SAMD5: variants seen among roughly 807,000 people sequenced by gnomAD.
SAMD5 encodes the protein sterile alpha motif domain-containing protein 5.
Under a neutral mutation model 11.3 loss-of-function variants are expected in SAMD5, and 13 were observed. The ratio of observed to expected loss-of-function variants is 1.15; its 90% CI spans 0.75 to 1.83. SAMD5 has a LOEUF of 1.83. SAMD5 is among the 40% of genes most tolerant of loss of function. The pLI is 0.00. For synonymous variants in SAMD5, 129 were observed against 111.3 expected (o/e 1.16, Z -1.00); for missense variants, 255 against 239.1 (o/e 1.07, Z -0.44).
chr6:147,730,641 A>C lies in SAMD5; in HGVS notation c.163-6676A>C, dbSNP rs148770312. Among the ~76,000 whole-genome samples the C allele has an allele frequency of 5.3e-5, 8 of 152,272 alleles. No individual in the cohort carries two copies. In the East Asian group the frequency reaches 1.5e-3, roughly 29 times the overall value. ...GGGCATGTTGATGATATTTAAAGCC[A>C]TGAGATGAGATTACCTAGGATAAGC... On this transcript the variant is annotated intron_variant, in intron 1 of 1. Coordinates refer to the SAMD5 transcript ENST00000566741.
At chr6:147,552,520 C>A (rs1479504208) in intron 1 of SAMD5, among the ~76,000 whole-genome samples, 2 of 152,172 alleles carry the variant, frequency 1.3e-5, no homozygotes, top group Non-Finnish European at 2.9e-5. Context: ...ACTCTTGGAA[C>A]CTATTTGGGC....
chr6:147,624,059 G>A (rs1336800729), intron 1 of SAMD5, among the ~76,000 whole-genome samples: 1 of 152,054 alleles, frequency 6.6e-6, no homozygotes, highest in Non-Finnish European at 1.5e-5. Context: ...TAGTAGAAAC[G>A]GGGTTTTGCC....
chr6:147,705,103 C>T (rs1241297192), intron 1 of SAMD5, among the ~76,000 whole-genome samples: 2 of 152,180 alleles, frequency 1.3e-5, no homozygotes, highest in African/African-American at 4.8e-5. Context: ...CCTTGTAAGA[C>T]AGTAAGAAAA....
In SAMD5 at chr6:147,656,958, T is replaced by C. The variant is rs149942544; in HGVS notation, c.163-80359T>C. Among the ~76,000 whole-genome samples, 1,209 of 151,680 alleles carry C rather than the reference T, an allele frequency of 8.0e-3. 62 individuals carry two copies. The highest frequency in any genetic ancestry group is 0.069 in the Admixed American group (1,057 of 15,212). On this transcript the variant is annotated intron_variant, in intron 1 of 1. Coordinates refer to the SAMD5 transcript ENST00000566741. The stretch of plus-strand genomic sequence containing the variant: ...TATCCATAAGGTATTCATTGTTCAT[T>C]GAAGCATTTGTTGTAATTGCAAAAT...
intron 1 of SAMD5, among the ~76,000 whole-genome samples, chr6:147,638,693 A>C (rs548024207): frequency 9.9e-5 from 15 of 152,254 alleles, no homozygotes; most frequent in African/African-American, 3.6e-4. Flanking sequence ...GGAGACCTCA[A>C]TCCTTGATGT....
the SAMD5 span, among the ~76,000 whole-genome samples, chr6:147,888,979 G>T: frequency 0.033 from 5,082 of 151,764 alleles, 119 homozygotes; most frequent in Middle Eastern, 0.058. Flanking sequence ...TATTTCTTAT[G>T]CTTCTAATTT....
chr6:147,824,313 C>T, the SAMD5 span, among the ~76,000 whole-genome samples: 1 of 152,138 alleles, frequency 6.6e-6, no homozygotes, highest in Non-Finnish European at 1.5e-5. Context: ...AAATTTTTAG[C>T]ATCTTCGGGG....
the SAMD5 span, among the ~76,000 whole-genome samples, chr6:147,772,556 T>C: frequency 1.5e-4 from 23 of 152,084 alleles, no homozygotes; most frequent in Non-Finnish European, 3.1e-4. Flanking sequence ...AAGTCCAAGA[T>C]CAAGGTGTTA....
intron 1 of SAMD5, among the ~76,000 whole-genome samples, chr6:147,613,112 C>A (rs760072596): frequency 6.6e-6 from 1 of 152,148 alleles, no homozygotes; most frequent in Non-Finnish European, 1.5e-5. Flanking sequence ...GATCACACCA[C>A]TGCACTCTAG....
chr6:147,567,860 A>C lies in SAMD5; in HGVS notation c.*3404A>C. On this transcript the variant is annotated 3_prime_UTR_variant, in exon 2 of 2. Transcript: ENST00000367474. ...GTAAATGTTTATTGATTGAATGAAA[A>C]GAATTTGATTTAAGGAAACAATAAC... 1.0e-6 allele frequency: 1 copy of C among 985,444 alleles called. No individual in the cohort carries two copies. The highest frequency in any genetic ancestry group is 1.2e-6 in the Non-Finnish European group (1 of 829,934). 61.0% of individuals were successfully genotyped at this position (985,444 alleles called of 1,614,324 possible).
chr6:147,536,012 C>G (rs1245140691), intron 1 of SAMD5, among the ~76,000 whole-genome samples: 1 of 150,906 alleles, frequency 6.6e-6, no homozygotes, highest in South Asian at 2.1e-4. Context: ...GAGACGGACT[C>G]TCGCTCTGTT....
At chr6:147,727,699 G>T (rs1409828888) in intron 1 of SAMD5, among the ~76,000 whole-genome samples, 1 of 151,300 alleles carries the variant, frequency 6.6e-6, no homozygotes, top group Middle Eastern at 3.2e-3. Flanking sequence ...GTCTGCTGAA[G>T]ACCCACCAGA....
chr6:147,542,177 G>A (rs921540068), intron 1 of SAMD5, among the ~76,000 whole-genome samples: 2 of 152,164 alleles, frequency 1.3e-5, no homozygotes, highest in East Asian at 1.9e-4. Context: ...ATATTGGGTC[G>A]GCAGCACCCT....
At chr6:147,927,488 G>A in the SAMD5 span, among the ~76,000 whole-genome samples, 2 of 152,222 alleles carry the variant, frequency 1.3e-5, no homozygotes, top group Admixed American at 6.5e-5. Flanking sequence ...GTGTAGAAAC[G>A]TTCACGATTT....
chr6:147,643,136 C>T (rs1790338775), intron 1 of SAMD5, among the ~76,000 whole-genome samples: 1 of 152,160 alleles, frequency 6.6e-6, no homozygotes, highest in South Asian at 2.1e-4. Context: ...TGCAAATCCT[C>T]ACGTTGAAGG....
At chr6:147,764,610 G>A in the SAMD5 span, among the ~76,000 whole-genome samples, 225 of 152,152 alleles carry the variant, frequency 1.5e-3, 3 homozygotes, top group East Asian at 0.017. Context: ...AAGTCATTAC[G>A]TCTGGAAGTG....
At chr6:147,643,035 A>ATT (rs1192119720) in intron 1 of SAMD5, among the ~76,000 whole-genome samples, 4 of 152,182 alleles carry the variant, frequency 2.6e-5, no homozygotes. Flanking sequence ...CACTGTAATA[A>ATT]CAATTTTATT....
intron 1 of SAMD5, among the ~76,000 whole-genome samples, chr6:147,618,346 G>C (rs1372315031): frequency 6.6e-6 from 1 of 152,136 alleles, no homozygotes; most frequent in Non-Finnish European, 1.5e-5. Flanking sequence ...CAGTGTTGGG[G>C]GGAGTCTCAT....
the SAMD5 span, among the ~76,000 whole-genome samples, chr6:147,932,588 TTGTGTGTGTGTGTGTGTG>T: frequency 3.3e-3 from 428 of 131,166 alleles, 5 homozygotes; most frequent in East Asian, 0.023. Flanking sequence ...TCTTACAGAA[TTGTGTGTGTGTGTGTGTG>T]TGTGTGTGTG....
Sources: allele counts gnomAD v4.1 joint callset (sites outside exome capture counted in the v4.1 genomes callset), GRCh38; gene constraint gnomAD v4.1.1; transcripts MANE v1.5; gene names NCBI Gene and HGNC (gene_info 2026-07-23, HGNC 2026-07-21).